USP6: variants seen among roughly 807,000 people sequenced by gnomAD.
The protein encoded by USP6 is ubiquitin specific peptidase 6, also known as ubiquitin carboxyl-terminal hydrolase 6.
In USP6, 128 loss-of-function variants were observed where a neutral mutation model predicts 175.7. The observed-to-expected ratio is 0.73, with a 90% CI of 0.63 to 0.84. USP6 has a LOEUF of 0.84. Ranked by LOEUF, USP6 falls within the 40% of genes least tolerant of loss-of-function variation. The pLI, the probability that USP6 is intolerant of heterozygous loss-of-function variation, is 0.00. For missense variants in USP6, 1,498 were observed against 1,760.3 expected, an observed-to-expected ratio of 0.85 and a Z score of 2.67; for synonymous variants, 562 against 630.6, an observed-to-expected ratio of 0.89 and a Z score of 1.63.
chr17:5,130,753 A>C, intron 11 of USP6, 69 bp downstream of exon 11: 2 of 1,585,796 alleles, frequency 1.3e-6, no homozygotes, highest in Non-Finnish European at 1.7e-6. Flanking sequence ...GTTTGCTTTT[A>C]GAAAGGCCTT....
intron 15 of USP6, chr17:5,134,668 C>G (rs377060668): frequency 7.4e-5 from 13 of 176,166 alleles, no homozygotes; most frequent in Non-Finnish European, 1.6e-4. Context: ...GAAAAGGGAA[C>G]GAGCCAGTGA....
At position 5,171,613 on chromosome 17, in the gene USP6, C is replaced by T. The variant is rs762430062; in HGVS notation, c.3981C>T (p.Gly1327=). 5 of 1,613,626 alleles carry T rather than the reference C, an allele frequency of 3.1e-6. No homozygotes were observed. The South Asian group carries it at 4.4e-5, about 14-fold the overall frequency. Residue 1327 remains glycine (G), a synonymous_variant, in exon 37 of 38, where the codon GGC becomes GGT. Coordinates refer to ENST00000574788, the MANE Select transcript of USP6 (RefSeq NM_001304284.2). Reference sequence around the variant, plus strand: ...GCCATTCAGGAATTCTGAGTGGGGGCCATTACATCACTTATGCCAAAAACC... The same window carrying T: ...GCCATTCAGGAATTCTGAGTGGGGGTCATTACATCACTTATGCCAAAAACC... ...ISCHSGILSG[G]HYITYAKNPN...
intron 30 of USP6, among the ~76,000 whole-genome samples, chr17:5,152,227 G>A (rs1041049215): frequency 3.4e-5 from 5 of 149,014 alleles, no homozygotes; most frequent in African/African-American, 1.2e-4. Flanking sequence ...GGGCAACAGA[G>A]CGAGACTCCG....
At chr17:5,143,082 C>T (rs1482143654) in intron 25 of USP6, among the ~76,000 whole-genome samples, 3 of 151,846 alleles carry the variant, frequency 2.0e-5, no homozygotes, top group Non-Finnish European at 2.9e-5. Context: ...GGAGGGAGGT[C>T]GGGGGGTCAG....
Position 5,168,059 on chromosome 17 carries a change from C to T in USP6, c.3164C>T (p.Ser1055Phe). ...GGGGAAAGTGAGATGTACTACTGTTCCAAGTGTAAGACCCACTGCTTAGCA... is the reference window on the plus strand; with the variant it reads ...GGGGAAAGTGAGATGTACTACTGTTTCAAGTGTAAGACCCACTGCTTAGCA... ...ELGESEMYYC[S>F]KCKTHCLATK... Residue 1055 changes from serine to phenylalanine, a missense_variant, in exon 34 of 38, where the codon TCC becomes TTC. Coordinates refer to ENST00000574788, the MANE Select transcript of USP6 (RefSeq NM_001304284.2). 1 of 1,611,976 alleles carries T rather than the reference C, an allele frequency of 6.2e-7. No homozygotes were observed. Among genetic ancestry groups the T allele is most frequent in the South Asian group, 1.1e-5 (1 of 90,984 alleles).
chr17:5,133,187 T>G (rs2073133122), intron 13 of USP6, among the ~76,000 whole-genome samples, 197 bp downstream of exon 13: 1 of 152,088 alleles, frequency 6.6e-6, no homozygotes, highest in Non-Finnish European at 1.5e-5. Flanking sequence ...AATCTGAATC[T>G]AGGGCTGGGA....
At chr17:5,153,289 C>CT (rs1412974365) in intron 30 of USP6, among the ~76,000 whole-genome samples, 8 of 152,126 alleles carry the variant, frequency 5.3e-5, no homozygotes, top group Non-Finnish European at 8.8e-5. Context: ...TTGAAATGTA[C>CT]TTTTTTTTGT....
Position 5,162,777 on chromosome 17 carries a change from G to A in USP6, c.2916-107G>A. ...TTAGAAGCCCATGACAAATTGTGAG[G>A]CCCAAGAGGAAAGCAGAAAAGTAGG... On this transcript the variant is annotated intron_variant, in intron 32 of 37. Coordinates refer to ENST00000574788, the MANE Select transcript of USP6 (RefSeq NM_001304284.2). The A allele has an allele frequency of 2.7e-6, 4 of 1,482,884 alleles. No individual in the cohort carries two copies. In the South Asian group the frequency reaches 5.6e-5, roughly 21 times the overall value. 91.9% of individuals were successfully genotyped at this position (1,482,884 alleles called of 1,614,324 possible). A position where few individuals can be genotyped will look rare whatever the true frequency, so the allele number is the denominator to read the frequency against.
intron 28 of USP6, among the ~76,000 whole-genome samples, chr17:5,146,797 T>C (rs1364984207): frequency 2.6e-5 from 4 of 152,190 alleles, no homozygotes; most frequent in African/African-American, 9.6e-5. Flanking sequence ...ATGGCGTCTC[T>C]GAGGGTTGGA....
rs375256615 is a variant in USP6 at position 5,132,365 on chromosome 17, C to G, written c.156-31C>G. 1 of 1,612,156 alleles carries G rather than the reference C, an allele frequency of 6.2e-7. No homozygotes were observed. The highest frequency in any genetic ancestry group is 8.5e-7 in the Non-Finnish European group (1 of 1,179,836). On this transcript the variant is annotated intron_variant, in intron 11 of 37. Transcript: ENST00000574788. The surrounding 1 kb of genome is among the most constrained non-coding windows in gnomAD (Gnocchi z 4.7). ...CTTGGGCGGCTCCAGGCCCTGTGCA[C>G]GTCCTCAGCTCTGCCTGGGTTGCCT...
At chr17:5,144,663 T>C (rs1197986389) in intron 25 of USP6, 27 bp from the exon 26 acceptor site, 1 of 1,608,678 alleles carries the variant, frequency 6.2e-7, no homozygotes, top group South Asian at 1.1e-5. Context: ...TAGGAAATAA[T>C]GACTGTGACT....
intron 20 of USP6, 76 bp downstream of exon 20, chr17:5,137,826 A>T (rs1598017625): frequency 6.9e-6 from 11 of 1,595,382 alleles, no homozygotes; most frequent in Non-Finnish European, 9.4e-6. Flanking sequence ...CAGCTTCCTC[A>T]CACTGTCCTC....
chr17:5,143,514 G>A (rs958483506), intron 25 of USP6, among the ~76,000 whole-genome samples: 2 of 151,502 alleles, frequency 1.3e-5, no homozygotes, highest in African/African-American at 4.8e-5. Context: ...ATGGATTAAG[G>A]GCGGTGCAAG....
At position 5,145,565 on chromosome 17, in the gene USP6, A is replaced by T. The variant is rs1225042133; in HGVS notation, c.2153A>T (p.Asp718Val). The change falls in exon 27 of 38, where the codon GAC (aspartate) becomes GTC (valine). Residue 718 changes from aspartate to valine, a missense_variant. Physicochemically the swap from Asp to Val is radical, Grantham distance 152. Around this residue, in one of 2 missense-constraint regions of USP6, gnomAD observed 1,217 missense variants for 1,500.8 expected, o/e 0.81. Transcript: ENST00000574788. The stretch of plus-strand genomic sequence containing the variant: ...CCACTACCAATGGACAGTTACATGG[A>T]CTTAGAAATAACAGGTAGGTCACAA... ...SLPLPMDSYM[D>V]LEITVIKLDG... is the part of the protein sequence containing the mutation. 1 of 1,592,854 alleles carries T rather than the reference A, an allele frequency of 6.3e-7. No individual in the cohort carries two copies. The highest frequency in any genetic ancestry group is 2.3e-5 in the East Asian group (1 of 44,364).
At position 5,137,701 on chromosome 17, in the gene USP6, A is replaced by G; in HGVS notation, c.876A>G (p.Gly292=). The G allele has an allele frequency of 6.2e-7, 1 of 1,609,132 alleles. No individual in the cohort carries two copies. The change falls in exon 20 of 38, where the codon GGA becomes GGG. Residue 292 remains glycine, a synonymous_variant. Transcript: ENST00000574788. ...LRLWDVYLVE[G]EQVLMPITSI... ...TGTGGGACGTGTATTTGGTGGAAGGAGAACAGGTGTTGATGCCAATAACCA... is the reference window on the plus strand; with the variant it reads ...TGTGGGACGTGTATTTGGTGGAAGGGGAACAGGTGTTGATGCCAATAACCA...
chr17:5,168,940 G>C lies in USP6; in HGVS notation c.3402G>C (p.Arg1134Ser). The change falls in exon 35 of 38, where the codon AGG (arginine) becomes AGC (serine). Residue 1134 changes from arginine (R) to serine (S), a missense_variant. Coordinates refer to ENST00000574788, the MANE Select transcript of USP6 (RefSeq NM_001304284.2). ...AGGGGGATGAGCTCTCCAAGCCCAG[G>C]ATTCTGGCAAGAGAGGTGAAGAAAG... ...TPQGDELSKP[R>S]ILAREVKKVD... is the part of the protein sequence containing the mutation. The C allele has an allele frequency of 6.2e-7, 1 of 1,613,974 alleles. No homozygotes were observed.
Position 5,139,581 on chromosome 17 carries a change from C to T in USP6, c.1405C>T (p.Pro469Ser). 1 of 1,613,774 alleles carries T rather than the reference C, an allele frequency of 6.2e-7. No individual in the cohort carries two copies. Among genetic ancestry groups the T allele is most frequent in the Non-Finnish European group, 8.5e-7 (1 of 1,180,018 alleles). ...TDLDIGGPWF[P>S]HYDFEWSCWV... is the part of the protein sequence containing the mutation. ...CCTGGATATAGGGGGCCCTTGGTTCCCCCATTATGATTTTGAATGGAGCTG... is the reference window on the plus strand; with the variant it reads ...CCTGGATATAGGGGGCCCTTGGTTCTCCCATTATGATTTTGAATGGAGCTG... Residue 469 changes from proline to serine, a missense_variant, in exon 22 of 38, where the codon CCC becomes TCC. Coordinates refer to ENST00000574788, the MANE Select transcript of USP6 (RefSeq NM_001304284.2).
rs766656957 is a variant in USP6, at chr17:5,138,076, C to A, written c.926-45C>A. ...GTGGCCACAGGGTATGAGCTGTGAC[C>A]ATTCCCAGGGAACTCTCCTGGCCTG... On this transcript the variant is annotated intron_variant, in intron 20 of 37. Transcript: ENST00000574788. The A allele has an allele frequency of 6.8e-6, 11 of 1,613,456 alleles. No individual in the cohort carries two copies. The East Asian group carries it at 2.5e-4, about 36-fold the overall frequency.
chr17:5,145,011 G>A, intron 26 of USP6, 148 bp downstream of exon 26: 22 of 1,269,482 alleles, frequency 1.7e-5, no homozygotes, highest in Non-Finnish European at 2.3e-5. Context: ...ATGCTTAATT[G>A]TTATGTGATA....
Sources: gnomAD v4.1 joint callset for allele counts (sites outside exome capture counted in the v4.1 genomes callset) on GRCh38, gnomAD v4.1.1 for gene constraint, gnomAD v4.1.1 regional missense constraint, Gnocchi (gnomAD v3.1) non-coding constraint, MANE v1.5 for transcripts, NCBI Gene and HGNC (gene_info 2026-07-23, HGNC 2026-07-21) for gene names.